The following IL1RAPL2 variants were observed in gnomAD, a reference collection of about 807,000 sequenced individuals.
The protein encoded by IL1RAPL2 is X-linked interleukin-1 receptor accessory protein-like 2.
Under a neutral mutation model 44.1 loss-of-function variants are expected in IL1RAPL2, and 3 were observed. The ratio of observed to expected loss-of-function variants is 0.07; its 90% CI spans 0.03 to 0.18. The LOEUF is 0.18. Ranked by LOEUF, IL1RAPL2 falls within the 10% of genes least tolerant of loss-of-function variation. The probability of loss-of-function intolerance (pLI) is 1.00; values close to 1 mark genes in which losing one functional copy is unlikely to be tolerated. For missense variants in IL1RAPL2, 391 were observed against 496.4 expected (o/e 0.79, Z 2.02); for synonymous variants, 181 against 178.8 (o/e 1.01, Z -0.10).
intron 2 of IL1RAPL2, among the ~76,000 whole-genome samples, chrX:105,094,571 C>T (rs1434611890): frequency 9.0e-6 from 1 of 111,448 alleles, no homozygotes; most frequent in Non-Finnish European, 1.9e-5. Flanking sequence ...GCCAGTATTG[C>T]ACTGTTCTGA....
At chrX:105,245,953 G>A (rs1203553047) in intron 4 of IL1RAPL2, among the ~76,000 whole-genome samples, 1 of 112,419 alleles carries the variant, frequency 8.9e-6, no homozygotes, top group African/African-American at 3.2e-5. Context: ...ATGATGGATG[G>A]TTCAGTACAA....
At chrX:105,763,356 G>A (rs2038703179) in intron 10 of IL1RAPL2, among the ~76,000 whole-genome samples, 1 of 111,644 alleles carries the variant, frequency 9.0e-6, no homozygotes, top group African/African-American at 3.3e-5. Flanking sequence ...TGGGGCACTT[G>A]CTTGATAGAA....
intron 2 of IL1RAPL2, among the ~76,000 whole-genome samples, chrX:105,109,819 C>T (rs1333198388): frequency 8.9e-6 from 1 of 112,289 alleles, no homozygotes; most frequent in Non-Finnish European, 1.9e-5. Context: ...ATAGATCTGA[C>T]AACGTAGAAA....
chrX:105,252,552 T>C (rs1365819484), intron 4 of IL1RAPL2, among the ~76,000 whole-genome samples: 1 of 111,963 alleles, frequency 8.9e-6, no homozygotes, highest in Non-Finnish European at 1.9e-5. Flanking sequence ...AGTATATCTT[T>C]AATGGCATCC....
At chrX:104,718,486 C>T (rs934196799) in intron 2 of IL1RAPL2, among the ~76,000 whole-genome samples, 92 of 110,393 alleles carry the variant, frequency 8.3e-4, no homozygotes, top group Non-Finnish European at 1.6e-3. Flanking sequence ...GATGGATTTC[C>T]CCCCATGTTG....
chrX:105,745,569 A>C (rs1379923412), intron 8 of IL1RAPL2, among the ~76,000 whole-genome samples: 1 of 112,418 alleles, frequency 8.9e-6, no homozygotes, highest in East Asian at 2.8e-4. Context: ...TTGTGTCCTC[A>C]CATGGCAGTA....
intron 2 of IL1RAPL2, among the ~76,000 whole-genome samples, chrX:105,176,190 A>G (rs1277772054): frequency 9.0e-6 from 1 of 111,233 alleles, no homozygotes; most frequent in Non-Finnish European, 1.9e-5. Context: ...GACAGTCAGT[A>G]CATGGGCACA....
At chrX:105,219,924 G>T in intron 3 of IL1RAPL2, 1 of 1,156,648 alleles carries the variant, frequency 8.6e-7, no homozygotes, top group Non-Finnish European at 1.2e-6. Flanking sequence ...GCAGGGACCA[G>T]TTGAGGGATC....
intron 2 of IL1RAPL2, among the ~76,000 whole-genome samples, chrX:104,669,389 C>T (rs974393714): frequency 1.8e-5 from 2 of 110,826 alleles, no homozygotes; most frequent in Non-Finnish European, 3.8e-5. Context: ...TTTTCCCGGT[C>T]TCCATCATTA....
At chrX:105,683,539 T>C (rs2037942845) in intron 6 of IL1RAPL2, among the ~76,000 whole-genome samples, 1 of 75,046 alleles carries the variant, frequency 1.3e-5, no homozygotes, top group South Asian at 5.2e-4. Context: ...TAAGTATCAA[T>C]AGAACCTACA....
intron 2 of IL1RAPL2, among the ~76,000 whole-genome samples, chrX:104,958,192 C>A (rs1327669713): frequency 9.0e-6 from 1 of 111,227 alleles, no homozygotes; most frequent in African/African-American, 3.3e-5. Context: ...TTGTACCAGG[C>A]TCCACAAATT....
rs139887002 is a variant in IL1RAPL2, at chrX:104,898,783, C to A, written c.82+239788C>A. On this transcript the variant is annotated intron_variant, in intron 2 of 10. Transcript: ENST00000372582. ...TTTCTTTTGTTTCTTTTATTTTTCC[C>A]AACAAGTCCTCCATTGATGATAATC... Among the ~76,000 whole-genome samples the A allele has an allele frequency of 7.8e-3, 870 of 112,004 alleles. 7 individuals are homozygous for A. Among genetic ancestry groups the A allele is most frequent in the African/African-American group, 0.027 (824 of 30,901 alleles).
At chrX:104,657,003 C>CT (rs927600227) in intron 1 of IL1RAPL2, among the ~76,000 whole-genome samples, 11 of 109,058 alleles carry the variant, frequency 1.0e-4, no homozygotes, top group South Asian at 7.9e-4. Context: ...GCAACCCCTG[C>CT]TTTTTTTTTG....
At chrX:105,204,881 C>G (rs781955947) in intron 3 of IL1RAPL2, among the ~76,000 whole-genome samples, 14 of 111,871 alleles carry the variant, frequency 1.3e-4, no homozygotes, top group Non-Finnish European at 1.3e-4. Flanking sequence ...GCTGTGTGAC[C>G]TTTGCCTTGC....
intron 5 of IL1RAPL2, among the ~76,000 whole-genome samples, chrX:105,344,851 G>T (rs902461102): frequency 8.9e-6 from 1 of 111,899 alleles, no homozygotes; most frequent in Non-Finnish European, 1.9e-5. Flanking sequence ...GACTTTTAAA[G>T]ACAGTACCTT....
In IL1RAPL2 at chrX:105,723,608, C is replaced by T. The variant is rs1293862923; in HGVS notation, c.902+6112C>T. The stretch of plus-strand genomic sequence containing the variant: ...CATTTGGGATTCTATAACAAGATAC[C>T]TTAAATGGGTAATTTAAAAACAACA... On this transcript the variant is annotated intron_variant, in intron 7 of 10. Transcript: ENST00000372582. Among the ~76,000 whole-genome samples, 4 of 111,221 alleles carry T rather than the reference C, an allele frequency of 3.6e-5. No homozygotes were observed. In the Admixed American group the frequency reaches 3.8e-4, roughly 11 times the overall value.
intron 4 of IL1RAPL2, among the ~76,000 whole-genome samples, chrX:105,243,532 CATATATATATGTGTGT>C (rs1438020515): frequency 1.0e-4 from 10 of 95,977 alleles, no homozygotes; most frequent in African/African-American, 4.0e-4. Flanking sequence ...ATGGAGATTT[CATATATATATGTGTGT>C]ATATATATAT....
intron 1 of IL1RAPL2, among the ~76,000 whole-genome samples, chrX:104,620,889 C>T (rs908412820): frequency 1.6e-4 from 16 of 102,771 alleles, no homozygotes; most frequent in Non-Finnish European, 5.9e-5. Context: ...TTTATGGTTC[C>T]ATTTATATGT....
At chrX:104,839,349 G>C (rs1287999832) in intron 2 of IL1RAPL2, among the ~76,000 whole-genome samples, 2 of 111,518 alleles carry the variant, frequency 1.8e-5, no homozygotes, top group Admixed American at 9.6e-5. Flanking sequence ...ATAATCACGT[G>C]TTTTTGTCAT....
Sources: gnomAD v4.1 joint callset for allele counts (sites outside exome capture counted in the v4.1 genomes callset) on GRCh38, gnomAD v4.1.1 for gene constraint, MANE v1.5 for transcripts, NCBI Gene and HGNC (gene_info 2026-07-23, HGNC 2026-07-21) for gene names.